The following NRG1 variants were observed in gnomAD, a reference collection of about 807,000 sequenced individuals.
The protein encoded by NRG1 is pro-neuregulin-1, membrane-bound isoform.
Under a neutral mutation model 63.8 loss-of-function variants are expected in NRG1, and 18 were observed. The observed-to-expected ratio is 0.28, with a 90% confidence interval of 0.19 to 0.42. The LOEUF (loss-of-function observed/expected upper bound fraction) is 0.42. Among genes scored for constraint, NRG1 ranks in the 10% least tolerant of loss-of-function variants. The probability of loss-of-function intolerance (pLI) is 1.00; values close to 1 mark genes in which losing one functional copy is unlikely to be tolerated. For missense variants in NRG1, 762 were observed against 814.7 expected, an observed-to-expected ratio of 0.94 and a Z score of 0.79; for synonymous variants, 302 against 301.3, an observed-to-expected ratio of 1.00 and a Z score of -0.02.
chr8:32,278,616 CT>C (rs1445833149), intron 1 of NRG1, among the ~76,000 whole-genome samples: 1 of 152,196 alleles, frequency 6.6e-6, no homozygotes, highest in Non-Finnish European at 1.5e-5. Flanking sequence ...GAGATCTACC[CT>C]TTGCCTTTGG....
intron 1 of NRG1, among the ~76,000 whole-genome samples, chr8:31,927,439 CTTTTTTTTTTT>C (rs71539998): frequency 2.5e-4 from 17 of 68,072 alleles, no homozygotes; most frequent in South Asian, 1.4e-3. Flanking sequence ...GAGAAAACTA[CTTTTTTTTTTT>C]TTTTTTTTTT....
At chr8:31,758,786 A>G (rs903385217) in intron 1 of NRG1, among the ~76,000 whole-genome samples, 1 of 152,182 alleles carries the variant, frequency 6.6e-6, no homozygotes, top group Non-Finnish European at 1.5e-5. Flanking sequence ...GTGAGTACTT[A>G]GAAATGGGAC....
intron 5 of NRG1, among the ~76,000 whole-genome samples, chr8:32,637,859 A>G (rs1851628964): frequency 6.6e-6 from 1 of 152,170 alleles, no homozygotes; most frequent in African/African-American, 2.4e-5. Flanking sequence ...TTAGTCTCTG[A>G]ATATCTTTCA....
chr8:32,718,096 A>G (rs540180234), intron 5 of NRG1, among the ~76,000 whole-genome samples: 1 of 152,286 alleles, frequency 6.6e-6, no homozygotes, highest in South Asian at 2.1e-4. Context: ...TAGTCTAGTG[A>G]GATTAGGAAA....
chr8:31,776,078 C>G (rs1819103837), intron 1 of NRG1, among the ~76,000 whole-genome samples: 1 of 151,998 alleles, frequency 6.6e-6, no homozygotes, highest in African/African-American at 2.4e-5. Context: ...TAGTCTGAAT[C>G]TATAAAGCTG....
chr8:31,891,207 A>G (rs1831118424), intron 1 of NRG1, among the ~76,000 whole-genome samples: 1 of 152,176 alleles, frequency 6.6e-6, no homozygotes, highest in Non-Finnish European at 1.5e-5. Flanking sequence ...AAAAGGATGG[A>G]AAGACAAGCT....
chr8:31,964,398 A>C (rs1805977068), intron 1 of NRG1, among the ~76,000 whole-genome samples: 1 of 152,234 alleles, frequency 6.6e-6, no homozygotes, highest in Non-Finnish European at 1.5e-5. Flanking sequence ...TGCTGGGTGC[A>C]CTGGCTCATG....
intron 1 of NRG1, among the ~76,000 whole-genome samples, chr8:32,354,381 C>CAA (rs201902687): frequency 0.032 from 2,964 of 92,564 alleles, 66 homozygotes; most frequent in East Asian, 0.086. Flanking sequence ...AAAACAACAA[C>CAA]AACAAAAAGT....
At chr8:31,773,442 A>G (rs1818822815) in intron 1 of NRG1, among the ~76,000 whole-genome samples, 1 of 152,184 alleles carries the variant, frequency 6.6e-6, no homozygotes, top group Non-Finnish European at 1.5e-5. Context: ...CAGGAAGAAA[A>G]CTGTCAAAAT....
chr8:31,740,319 A>G (rs1815133227), intron 1 of NRG1, among the ~76,000 whole-genome samples: 1 of 152,028 alleles, frequency 6.6e-6, no homozygotes, highest in Non-Finnish European at 1.5e-5. Flanking sequence ...TGTATATTAA[A>G]ATGTTAATTT....
intron 1 of NRG1, among the ~76,000 whole-genome samples, chr8:31,944,679 G>C (rs1253578364): frequency 3.3e-5 from 5 of 151,864 alleles, no homozygotes; most frequent in Non-Finnish European, 5.9e-5. Flanking sequence ...ACATACACCT[G>C]ATACACTCTC....
intron 1 of NRG1, among the ~76,000 whole-genome samples, chr8:32,247,812 G>A (rs758427712): frequency 5.3e-5 from 8 of 152,052 alleles, no homozygotes; most frequent in Admixed American, 3.3e-4. Flanking sequence ...GTTATTTTAA[G>A]ACATGGAATC....
Position 32,094,978 on chromosome 8 carries a change from C to T in NRG1, c.37+455547C>T, listed in dbSNP as rs140106981. On this transcript the variant is annotated intron_variant, in intron 1 of 10. Transcript: ENST00000519301. ...CCAGGCTGGAGTGCACTGGCGTGATCTCGGCTCACTGCAACCTCTGTCTCC... is the reference window on the plus strand; with the variant it reads ...CCAGGCTGGAGTGCACTGGCGTGATTTCGGCTCACTGCAACCTCTGTCTCC... Among the ~76,000 whole-genome samples the T allele has an allele frequency of 7.0e-3, 1,022 of 146,166 alleles. 9 individuals carry two copies. The highest frequency in any genetic ancestry group is 0.023 in the African/African-American group (887 of 39,382).
At chr8:32,538,515 T>C (rs995017267) in intron 1 of NRG1, among the ~76,000 whole-genome samples, 3 of 152,148 alleles carry the variant, frequency 2.0e-5, no homozygotes, top group Non-Finnish European at 4.4e-5. Context: ...GACATCAAAA[T>C]GTAATGACAA....
chr8:32,132,499 G>A (rs1221715575), intron 1 of NRG1, among the ~76,000 whole-genome samples: 1 of 152,066 alleles, frequency 6.6e-6, no homozygotes, highest in Non-Finnish European at 1.5e-5. Context: ...GAAATACCCA[G>A]TGACAGATCT....
chr8:32,126,134 G>T (rs1257400195), intron 1 of NRG1, among the ~76,000 whole-genome samples: 1 of 151,864 alleles, frequency 6.6e-6, no homozygotes, highest in Non-Finnish European at 1.5e-5. Flanking sequence ...AGTGAATAAA[G>T]AAAATGCTGA....
intron 1 of NRG1, among the ~76,000 whole-genome samples, chr8:32,514,369 A>G (rs905936186): frequency 6.6e-6 from 1 of 152,170 alleles, no homozygotes; most frequent in Non-Finnish European, 1.5e-5. Context: ...AAGCACTTGC[A>G]TATGTGTCGT....
intron 1 of NRG1, among the ~76,000 whole-genome samples, chr8:32,386,746 T>A (rs553154535): frequency 6.6e-6 from 1 of 152,226 alleles, no homozygotes; most frequent in Non-Finnish European, 1.5e-5. Flanking sequence ...TCCATGGCAC[T>A]TTCCAATTTT....
chr8:32,686,089 TTTC>T (rs778820493), intron 5 of NRG1, among the ~76,000 whole-genome samples: 4 of 152,240 alleles, frequency 2.6e-5, no homozygotes, highest in African/African-American at 4.8e-5. Context: ...TAAGCATTTC[TTTC>T]TGTGGTCTAG....
Sources: allele counts gnomAD v4.1 joint callset (sites outside exome capture counted in the v4.1 genomes callset), GRCh38; gene constraint gnomAD v4.1.1; transcripts MANE v1.5; gene names NCBI Gene and HGNC (gene_info 2026-07-23, HGNC 2026-07-21).